RYR3: variants seen among roughly 807,000 people sequenced by gnomAD.
RYR3 encodes the protein ryanodine receptor 3.
RYR3 carries 207 observed loss-of-function variants against 584.3 expected under a neutral mutation model. The observed-to-expected ratio is 0.35, with a 90% CI of 0.32 to 0.40. The LOEUF is 0.40. Among genes scored for constraint, RYR3 ranks in the 10% least tolerant of loss-of-function variants. The pLI, the probability that RYR3 is intolerant of heterozygous loss-of-function variation, is 1.00. For missense variants in RYR3, 5,616 were observed against 6,089.2 expected (o/e 0.92, Z 2.59); for synonymous variants, 2,416 against 2,248.5 (o/e 1.07, Z -2.11).
intron 12 of RYR3, among the ~76,000 whole-genome samples, chr15:33,578,335 T>C (rs1184975661): frequency 6.6e-6 from 1 of 152,138 alleles, no homozygotes; most frequent in Middle Eastern, 3.4e-3. Flanking sequence ...CTAGGCACAA[T>C]AGCAAAGACG....
intron 58 of RYR3, 128 bp downstream of exon 58, chr15:33,755,308 T>C: frequency 4.5e-6 from 3 of 666,428 alleles, no homozygotes; most frequent in Non-Finnish European, 7.8e-6. Flanking sequence ...TGGCTGAAAT[T>C]TTTTTCCCCC....
chr15:33,769,963 A>T (rs1479026591), intron 62 of RYR3, among the ~76,000 whole-genome samples: 1 of 151,968 alleles, frequency 6.6e-6, no homozygotes, highest in Non-Finnish European at 1.5e-5. Flanking sequence ...AATATATATA[A>T]ATAAGAGAGA....
At chr15:33,632,830 G>A (rs913435979) in intron 23 of RYR3, 119 bp from the exon 24 acceptor site, 10 of 776,868 alleles carry the variant, frequency 1.3e-5, no homozygotes, top group Admixed American at 2.6e-5. Context: ...CCAAAGAGTG[G>A]GACCTGTGAC....
At position 33,773,696 on chromosome 15, in the gene RYR3, T is replaced by C. The variant is rs76779460; in HGVS notation, c.9137+81T>C. 4,935 of 941,836 alleles carry C rather than the reference T, an allele frequency of 5.2e-3. 160 individuals carry two copies. In the East Asian group the frequency reaches 0.08, roughly 15 times the overall value. The allele number at this position is 941,836 out of a possible 1,614,324, so 58.3% of individuals were successfully genotyped here. ...GCCTTTTACACACTTAATGATATCA[T>C]TTCAATCCAGCAAGACCAAAATGCT... On this transcript the variant is annotated intron_variant, in intron 64 of 103. Transcript: ENST00000634891.
At chr15:33,742,511 A>AAGAACATTAAAG in intron 52 of RYR3, 67 bp downstream of exon 52, 1 of 1,029,210 alleles carries the variant, frequency 9.7e-7, no homozygotes. Context: ...TAAAGGGCCC[A>AAGAACATTAAAG]GTCCTGGAAA....
At chr15:33,555,858 C>G (rs768454228) in intron 10 of RYR3, among the ~76,000 whole-genome samples, 1 of 152,150 alleles carries the variant, frequency 6.6e-6, no homozygotes, top group Non-Finnish European at 1.5e-5. Context: ...CAGAGGAAGG[C>G]GTTCCTCCTC....
At chr15:33,738,616 AAGAG>A in intron 50 of RYR3, 26 bp downstream of exon 50, 1 of 1,613,066 alleles carries the variant, frequency 6.2e-7, no homozygotes, top group African/African-American at 1.3e-5. Context: ...TCTGAACAAA[AAGAG>A]AGCATCTCAG....
intron 1 of RYR3, among the ~76,000 whole-genome samples, chr15:33,435,535 A>C (rs2045619288): frequency 6.6e-6 from 1 of 152,122 alleles, no homozygotes; most frequent in African/African-American, 2.4e-5. Flanking sequence ...TTTCTTCAGG[A>C]TTTATACTTA....
chr15:33,404,385 A>G (rs964119527), intron 1 of RYR3, among the ~76,000 whole-genome samples: 9 of 152,226 alleles, frequency 5.9e-5, no homozygotes, highest in African/African-American at 1.4e-4. Context: ...AACTTGGCCA[A>G]CGTCACACAG....
At chr15:33,616,866 C>T (rs2060477135) in intron 19 of RYR3, among the ~76,000 whole-genome samples, 1 of 152,182 alleles carries the variant, frequency 6.6e-6, no homozygotes, top group Non-Finnish European at 1.5e-5. Context: ...ACTGAAATGC[C>T]TCTAGTGCAT....
intron 76 of RYR3, among the ~76,000 whole-genome samples, chr15:33,819,516 A>G (rs1393965811): frequency 6.6e-6 from 1 of 151,930 alleles, no homozygotes; most frequent in Non-Finnish European, 1.5e-5. Flanking sequence ...TACTAAAAAT[A>G]TAAAAAAGTT....
intron 1 of RYR3, among the ~76,000 whole-genome samples, chr15:33,351,480 C>G (rs1366697634): frequency 6.6e-6 from 1 of 150,874 alleles, no homozygotes; most frequent in East Asian, 1.9e-4. Context: ...AGACCAATAT[C>G]CTTGATGAAC....
chr15:33,444,661 C>A (rs1035536388), intron 1 of RYR3, among the ~76,000 whole-genome samples: 19 of 152,136 alleles, frequency 1.2e-4, no homozygotes, highest in African/African-American at 4.3e-4. Context: ...TTAGTTGGGG[C>A]AATTACATTG....
At chr15:33,323,270 C>T (rs1380500451) in intron 1 of RYR3, among the ~76,000 whole-genome samples, 2 of 152,048 alleles carry the variant, frequency 1.3e-5, no homozygotes, top group Non-Finnish European at 2.9e-5. Context: ...CGCCACCATG[C>T]CCAGCTTTTT....
At chr15:33,777,099 G>A (rs1470097453) in intron 64 of RYR3, among the ~76,000 whole-genome samples, 1 of 152,242 alleles carries the variant, frequency 6.6e-6, no homozygotes, top group Non-Finnish European at 1.5e-5. Flanking sequence ...GAGGTGGGAG[G>A]ATTGTGTGAG....
intron 11 of RYR3, among the ~76,000 whole-genome samples, chr15:33,564,095 A>T (rs981619436): frequency 3.9e-5 from 6 of 152,152 alleles, no homozygotes; most frequent in Non-Finnish European, 5.9e-5. Flanking sequence ...CCTTCAGCAC[A>T]TTTGCTGATT....
intron 1 of RYR3, among the ~76,000 whole-genome samples, chr15:33,403,253 T>C (rs2042802647): frequency 6.6e-6 from 1 of 152,212 alleles, no homozygotes; most frequent in African/African-American, 2.4e-5. Context: ...ATTAAGGCAA[T>C]GTGCAATGAT....
intron 50 of RYR3, among the ~76,000 whole-genome samples, chr15:33,738,950 G>C (rs2069787469): frequency 6.6e-6 from 1 of 152,152 alleles, no homozygotes. Context: ...CCTTCACTAG[G>C]CTCGAGCCAA....
intron 16 of RYR3, among the ~76,000 whole-genome samples, chr15:33,600,118 A>G (rs1018154617): frequency 1.3e-5 from 2 of 152,202 alleles, no homozygotes; most frequent in Non-Finnish European, 2.9e-5. Flanking sequence ...ATAGAGTGCT[A>G]ATGGTAAGAG....
Sources: allele counts gnomAD v4.1 joint callset (sites outside exome capture counted in the v4.1 genomes callset), GRCh38; gene constraint gnomAD v4.1.1; transcripts MANE v1.5; gene names NCBI Gene and HGNC (gene_info 2026-07-23, HGNC 2026-07-21).